CACNA1D: variants seen among roughly 807,000 people sequenced by gnomAD.
CACNA1D encodes calcium voltage-gated channel subunit alpha1 D, also known as voltage-dependent L-type calcium channel subunit alpha-1D.
In CACNA1D, 55 loss-of-function variants were observed where a neutral mutation model predicts 257.1. The ratio of observed to expected loss-of-function variants is 0.21; its 90% CI spans 0.17 to 0.27. The LOEUF (loss-of-function observed/expected upper bound fraction) is 0.27, where lower values mean the gene tolerates loss of function less well. Ranked by LOEUF, CACNA1D falls within the 10% of genes least tolerant of loss-of-function variation. The probability of loss-of-function intolerance (pLI) is 1.00; values close to 1 mark genes in which losing one functional copy is unlikely to be tolerated. For synonymous variants in CACNA1D, 980 were observed against 1,014.9 expected (o/e 0.97, Z 0.65); for missense variants, 1,876 against 2,784.0 (o/e 0.67, Z 7.34).
chr3:53,544,851 G>A (rs1423232212), intron 3 of CACNA1D, among the ~76,000 whole-genome samples: 1 of 152,198 alleles, frequency 6.6e-6, no homozygotes, highest in African/African-American at 2.4e-5. Flanking sequence ...CTGGCAAGTT[G>A]CTTCATCCCT....
chr3:53,589,599 G>A (rs531672969), intron 3 of CACNA1D, among the ~76,000 whole-genome samples: 1 of 152,234 alleles, frequency 6.6e-6, no homozygotes, highest in Admixed American at 6.5e-5. Context: ...TAACTAATGT[G>A]TCATTTTCCT....
chr3:53,733,311 T>C (rs2095017998), intron 19 of CACNA1D, among the ~76,000 whole-genome samples: 1 of 152,220 alleles, frequency 6.6e-6, no homozygotes, highest in Non-Finnish European at 1.5e-5. Flanking sequence ...GCTCTGGTGT[T>C]CCATGCTTCG....
At chr3:53,666,207 A>G in intron 6 of CACNA1D, 132 bp from the exon 7 acceptor site, 1 of 839,278 alleles carries the variant, frequency 1.2e-6, no homozygotes, top group South Asian at 1.3e-5. Context: ...TTGAAGGACA[A>G]GCAGGATCCT....
Position 53,800,063 on chromosome 3 carries a change from C to G in CACNA1D, c.4924-186C>G, listed in dbSNP as rs979542781. The G allele has an allele frequency of 2.9e-6, 2 of 696,898 alleles. No individual in the cohort carries two copies. The highest frequency in any genetic ancestry group is 3.5e-5 in the African/African-American group (2 of 57,086). 43.2% of individuals were successfully genotyped at this position (696,898 alleles called of 1,614,324 possible). On this transcript the variant is annotated intron_variant, in intron 40 of 47. Coordinates refer to ENST00000350061, the MANE Select transcript of CACNA1D (RefSeq NM_001128840.3). This position sits in a 1 kb window ranked among gnomAD's most constrained non-coding sequence, Gnocchi z 4.3. ...GCATCCTACCTAGGACCTTCTTGACCCTCTGGATGCCTGACCATACCAACA... is the reference window on the plus strand; with the variant it reads ...GCATCCTACCTAGGACCTTCTTGACGCTCTGGATGCCTGACCATACCAACA...
Position 53,723,322 on chromosome 3 carries a change from A to G in CACNA1D, c.1667-112A>G, listed in dbSNP as rs2094900463. On this transcript the variant is annotated intron_variant, in intron 12 of 47. Transcript: ENST00000350061. This position sits in a 1 kb window ranked among gnomAD's most constrained non-coding sequence, Gnocchi z 5.6. ...GAGTGAGGTAGTGAAGAGAGAGACA[A>G]GGTATTGGCGTATTTCCTGTGGGGC... The G allele has an allele frequency of 3.7e-6, 3 of 800,948 alleles. No homozygotes were observed. In the Admixed American group the frequency reaches 5.4e-5, roughly 14 times the overall value. The allele number at this position is 800,948 out of a possible 1,614,324, so 49.6% of individuals were successfully genotyped here.
Position 53,753,573 on chromosome 3 carries a change from A to G in CACNA1D, c.3677A>G (p.His1226Arg). The G allele has an allele frequency of 6.3e-7, 1 of 1,592,226 alleles. No individual in the cohort carries two copies. The highest frequency in any genetic ancestry group is 8.6e-7 in the Non-Finnish European group (1 of 1,159,970). ...MLNTLCLAMQ[H>R]YEQSKMFNDA... ...CGGTCCCTCTGTCTTCATCCATAGC[A>G]CTACGAGCAGTCCAAGATGTTCAAT... The change falls in exon 29 of 48, where the codon CAC (histidine) becomes CGC (arginine). Residue 1226 changes from histidine (H) to arginine (R), a missense_variant and splice_region_variant. Physicochemically the swap from His to Arg is conservative, Grantham distance 29. This residue lies in a region of CACNA1D where 204 missense variants were observed against 309.4 expected (regional missense o/e 0.66). Coordinates refer to ENST00000350061, the MANE Select transcript of CACNA1D (RefSeq NM_001128840.3).
intron 3 of CACNA1D, among the ~76,000 whole-genome samples, chr3:53,590,755 A>C (rs2093292096): frequency 6.6e-6 from 1 of 152,186 alleles, no homozygotes; most frequent in Non-Finnish European, 1.5e-5. Context: ...CTCATGTAGA[A>C]GGTGATCATG....
chr3:53,546,629 C>G (rs1374143862), intron 3 of CACNA1D, among the ~76,000 whole-genome samples: 1 of 152,122 alleles, frequency 6.6e-6, no homozygotes, highest in Non-Finnish European at 1.5e-5. Context: ...TTACTTTTGC[C>G]CCTTGTCTCC....
intron 19 of CACNA1D, among the ~76,000 whole-genome samples, chr3:53,734,852 G>A (rs1424431898): frequency 6.6e-6 from 1 of 152,164 alleles, no homozygotes; most frequent in Non-Finnish European, 1.5e-5. Flanking sequence ...CTCAGTTACT[G>A]CAGGTCACTA....
chr3:53,805,377 G>A (rs761270615), intron 45 of CACNA1D, among the ~76,000 whole-genome samples: 1 of 152,224 alleles, frequency 6.6e-6, no homozygotes, highest in Non-Finnish European at 1.5e-5. Flanking sequence ...TTTGAGAAGA[G>A]AGAGGCTGTG....
intron 3 of CACNA1D, among the ~76,000 whole-genome samples, chr3:53,610,168 G>T (rs2093565869): frequency 6.6e-6 from 1 of 152,096 alleles, no homozygotes; most frequent in Non-Finnish European, 1.5e-5. Context: ...GTCTATCTTG[G>T]TAGATATTCC....
chr3:53,662,456 C>A (rs551474827), intron 5 of CACNA1D, among the ~76,000 whole-genome samples: 6 of 152,108 alleles, frequency 3.9e-5, no homozygotes, highest in African/African-American at 1.4e-4. Flanking sequence ...CCTGTCCTTC[C>A]GTGTTGGACA....
chr3:53,745,951 G>A (rs1045190108), intron 25 of CACNA1D, 76 bp downstream of exon 25: 16 of 1,186,644 alleles, frequency 1.3e-5, no homozygotes, highest in African/African-American at 4.5e-5. Context: ...ATGTTGGCAC[G>A]TCAGAAGTTT....
chr3:53,730,529 A>C lies in CACNA1D; in HGVS notation c.2309A>C (p.Glu770Ala), dbSNP rs2094979834. 6.2e-7 allele frequency: 1 copy of C among 1,613,856 alleles called. No individual in the cohort carries two copies. Among genetic ancestry groups the C allele is most frequent in the African/African-American group, 1.3e-5 (1 of 74,942 alleles). ...SLNTAQKEEAEEKERKKIARK... is the reference protein window; with the variant it reads ...SLNTAQKEEAAEKERKKIARK... ...AACACTGCTCAGAAAGAAGAAGCGG[A>C]AGAAAAGGAGAGGAAAAAGATTGCC... The change falls in exon 16 of 48, where the codon GAA (glutamate) becomes GCA (alanine). Residue 770 changes from glutamate to alanine, a missense_variant. Glu to Ala is a moderately radical substitution (Grantham distance 107). Coordinates refer to ENST00000350061, the MANE Select transcript of CACNA1D (RefSeq NM_001128840.3).
At chr3:53,656,395 T>G (rs1287029205) in intron 4 of CACNA1D, among the ~76,000 whole-genome samples, 1 of 152,172 alleles carries the variant, frequency 6.6e-6, no homozygotes, top group Non-Finnish European at 1.5e-5. Flanking sequence ...TGATATTGAG[T>G]CTTCCTATTT....
intron 3 of CACNA1D, among the ~76,000 whole-genome samples, chr3:53,646,709 C>G (rs1372830302): frequency 6.6e-6 from 1 of 152,196 alleles, no homozygotes; most frequent in African/African-American, 2.4e-5. Flanking sequence ...AGAGAAGTGA[C>G]TCTTACCTGG....
chr3:53,681,823 A>G (rs984478325), intron 8 of CACNA1D, among the ~76,000 whole-genome samples: 1 of 152,224 alleles, frequency 6.6e-6, no homozygotes, highest in African/African-American at 2.4e-5. Context: ...GAAGTGAAGA[A>G]TGAGTAGTCC....
chr3:53,586,854 A>G (rs1169107723), intron 3 of CACNA1D, among the ~76,000 whole-genome samples: 1 of 152,228 alleles, frequency 6.6e-6, no homozygotes. Context: ...AAGATAATCT[A>G]ATAATTGAAA....
rs2095600997 is a variant in CACNA1D, at chr3:53,811,533, A to G, written c.*127A>G. On this transcript the variant is annotated 3_prime_UTR_variant, in exon 48 of 48. Transcript: ENST00000350061. This position sits in a 1 kb window ranked among gnomAD's most constrained non-coding sequence, Gnocchi z 4.2. ...AATATTCAATTAATTAGACTTTTGT[A>G]TAAGAGATGTCATGCCTCAAGAAAG... is the stretch of plus-strand genomic sequence containing the variant. The G allele has an allele frequency of 2.6e-6, 2 of 762,610 alleles. No homozygotes were observed. Among genetic ancestry groups the G allele is most frequent in the African/African-American group, 1.8e-5 (1 of 56,794 alleles). The allele number at this position is 762,610 out of a possible 1,614,324, so 47.2% of individuals were successfully genotyped here.
Sources: gnomAD v4.1 joint callset for allele counts (sites outside exome capture counted in the v4.1 genomes callset) on GRCh38, gnomAD v4.1.1 for gene constraint, gnomAD v4.1.1 regional missense constraint, Gnocchi (gnomAD v3.1) non-coding constraint, MANE v1.5 for transcripts, NCBI Gene and HGNC (gene_info 2026-07-23, HGNC 2026-07-21) for gene names.